The following TMTC2 variants were observed in gnomAD, a reference collection of about 807,000 sequenced individuals.
TMTC2 encodes transmembrane O-mannosyltransferase targeting cadherins 2.
In TMTC2, 43 loss-of-function variants were observed where a neutral mutation model predicts 82.4. The ratio of observed to expected loss-of-function variants is 0.52; its 90% CI spans 0.41 to 0.67. TMTC2 has a LOEUF of 0.67. TMTC2 is among the 30% of genes least tolerant of loss of function. The probability of loss-of-function intolerance (pLI) is 0.00; values close to 1 mark genes in which losing one functional copy is unlikely to be tolerated. For synonymous variants in TMTC2, 408 were observed against 381.9 expected, an observed-to-expected ratio of 1.07 and a Z score of -0.80; for missense variants, 919 against 1,012.4, an observed-to-expected ratio of 0.91 and a Z score of 1.25.
intron 1 of TMTC2, among the ~76,000 whole-genome samples, chr12:82,779,075 T>G (rs527294346): frequency 1.1e-3 from 172 of 151,170 alleles, no homozygotes; most frequent in African/African-American, 4.1e-3. Flanking sequence ...AGCCTGAAAT[T>G]TAAAGGCTGA....
intron 11 of TMTC2, among the ~76,000 whole-genome samples, chr12:83,089,727 T>C (rs547887098): frequency 1.3e-5 from 2 of 152,050 alleles, no homozygotes; most frequent in East Asian, 1.9e-4. Flanking sequence ...AACAGGAGAT[T>C]CTCAAAGCTC....
intron 11 of TMTC2, among the ~76,000 whole-genome samples, chr12:83,131,989 A>G (rs567782098): frequency 6.6e-6 from 1 of 152,340 alleles, no homozygotes; most frequent in East Asian, 1.9e-4. Flanking sequence ...CTATTTCTCT[A>G]GAAGCCTGTC....
chr12:82,950,559 G>T (rs965652256), intron 4 of TMTC2, among the ~76,000 whole-genome samples: 5 of 152,138 alleles, frequency 3.3e-5, no homozygotes, highest in African/African-American at 4.8e-5. Flanking sequence ...ATACCTTTAT[G>T]GGTTCATTGT....
intron 1 of TMTC2, among the ~76,000 whole-genome samples, chr12:82,769,786 T>C (rs1052185355): frequency 6.6e-6 from 1 of 152,076 alleles, no homozygotes; most frequent in Admixed American, 6.5e-5. Flanking sequence ...AATTTTTGTA[T>C]TTTTAGTAGG....
At chr12:82,845,566 C>T (rs1019771084) in intron 1 of TMTC2, among the ~76,000 whole-genome samples, 2 of 151,848 alleles carry the variant, frequency 1.3e-5, no homozygotes, top group African/African-American at 4.8e-5. Context: ...TTTCATTAAG[C>T]TTTTAAATTG....
intron 11 of TMTC2, among the ~76,000 whole-genome samples, chr12:83,116,309 T>TAC (rs1206453656): frequency 1.3e-5 from 2 of 152,196 alleles, no homozygotes; most frequent in African/African-American, 2.4e-5. Flanking sequence ...TATATATATA[T>TAC]ACCACAGTTT....
At chr12:83,010,041 T>C (rs1880385139) in intron 8 of TMTC2, among the ~76,000 whole-genome samples, 1 of 152,130 alleles carries the variant, frequency 6.6e-6, no homozygotes, top group African/African-American at 2.4e-5. Flanking sequence ...GTTTCGCTCA[T>C]TCACACACCA....
At position 83,069,944 on chromosome 12, in the gene TMTC2, G is replaced by C. The variant is rs186667322; in HGVS notation, c.2331+8113G>C. Among the ~76,000 whole-genome samples, 443 of 152,144 alleles carry C rather than the reference G, an allele frequency of 2.9e-3. 2 individuals are homozygous for C. The highest frequency in any genetic ancestry group is 9.4e-3 in the African/African-American group (388 of 41,490). On this transcript the variant is annotated intron_variant, in intron 11 of 11. Transcript: ENST00000321196. ...ATCCCAGCACCATTTGTTGAAAAGGGTGTCCTTTCCCCACTTTATGTTTTT... is the reference window on the plus strand; with the variant it reads ...ATCCCAGCACCATTTGTTGAAAAGGCTGTCCTTTCCCCACTTTATGTTTTT...
chr12:82,915,180 G>T (rs1874932061), intron 3 of TMTC2, among the ~76,000 whole-genome samples: 1 of 152,094 alleles, frequency 6.6e-6, no homozygotes, highest in Non-Finnish European at 1.5e-5. Flanking sequence ...AAGGAGCATG[G>T]TTAAAGATTC....
chr12:82,872,535 A>G (rs1872255391), intron 2 of TMTC2, among the ~76,000 whole-genome samples: 2 of 152,250 alleles, frequency 1.3e-5, no homozygotes, highest in African/African-American at 4.8e-5. Context: ...GGCATTGCTA[A>G]TACAGGAAAA....
intron 8 of TMTC2, among the ~76,000 whole-genome samples, chr12:82,987,007 G>A (rs2137340036): frequency 6.6e-6 from 1 of 152,130 alleles, no homozygotes; most frequent in African/African-American, 2.4e-5. Flanking sequence ...GAAAAACATA[G>A]AGCAAATGAT....
chr12:83,107,775 C>CG (rs1309519958), intron 11 of TMTC2, among the ~76,000 whole-genome samples: 2 of 151,722 alleles, frequency 1.3e-5, no homozygotes, highest in Non-Finnish European at 2.9e-5. Flanking sequence ...CTTATGACCC[C>CG]CCGTGCCCAC....
chr12:83,087,402 C>T (rs1019911517), intron 11 of TMTC2, among the ~76,000 whole-genome samples: 3 of 152,190 alleles, frequency 2.0e-5, no homozygotes, highest in Admixed American at 2.0e-4. Flanking sequence ...GATATTTTGA[C>T]CTCTTCCCAT....
chr12:83,019,805 A>G (rs974291602), intron 8 of TMTC2, among the ~76,000 whole-genome samples: 2 of 152,092 alleles, frequency 1.3e-5, no homozygotes, highest in African/African-American at 4.8e-5. Context: ...TTCTGCTCCC[A>G]TTCCACTCTC....
At chr12:83,099,711 C>G (rs778342742) in intron 11 of TMTC2, among the ~76,000 whole-genome samples, 1 of 151,698 alleles carries the variant, frequency 6.6e-6, no homozygotes, top group Non-Finnish European at 1.5e-5. Flanking sequence ...CAAAACAGAA[C>G]TTATGTTTTA....
intron 1 of TMTC2, among the ~76,000 whole-genome samples, chr12:82,703,665 A>AT (rs1472068869): frequency 2.0e-4 from 31 of 151,708 alleles, no homozygotes; most frequent in African/African-American, 6.8e-4. Context: ...TGCCTAGCTA[A>AT]TTTTTTCTAT....
chr12:82,818,080 C>T (rs1256803378), intron 1 of TMTC2, among the ~76,000 whole-genome samples: 3 of 152,038 alleles, frequency 2.0e-5, no homozygotes, highest in South Asian at 4.1e-4. Context: ...TCATTTAGTG[C>T]TATATCTCAT....
intron 2 of TMTC2, among the ~76,000 whole-genome samples, chr12:82,876,013 T>C (rs958476042): frequency 1.5e-5 from 2 of 133,024 alleles, no homozygotes; most frequent in African/African-American, 5.7e-5. Context: ...GTAATGGTAA[T>C]GGTAGTAGTG....
chr12:83,128,340 G>T (rs1885155966), intron 11 of TMTC2, among the ~76,000 whole-genome samples: 1 of 151,728 alleles, frequency 6.6e-6, no homozygotes, highest in African/African-American at 2.4e-5. Context: ...TTCTTGTTTG[G>T]TTATCAAAAG....
Sources: gnomAD v4.1 joint callset for allele counts (sites outside exome capture counted in the v4.1 genomes callset) on GRCh38, gnomAD v4.1.1 for gene constraint, MANE v1.5 for transcripts, NCBI Gene and HGNC (gene_info 2026-07-23, HGNC 2026-07-21) for gene names.